MLLT3: variants seen among roughly 807,000 people sequenced by gnomAD.
MLLT3 encodes MLLT3 super elongation complex subunit, also known as protein AF-9.
A neutral mutation model predicts 53.2 loss-of-function variants in MLLT3; 4 were observed. The ratio of observed to expected loss-of-function variants is 0.08; its 90% CI spans 0.04 to 0.17. MLLT3 has a LOEUF of 0.17. MLLT3 is among the 10% of genes least tolerant of loss of function. The pLI, the probability that MLLT3 is intolerant of heterozygous loss-of-function variation, is 1.00. For synonymous variants in MLLT3, 283 were observed against 230.6 expected (o/e 1.23, Z -2.06); for missense variants, 569 against 684.0 (o/e 0.83, Z 1.87).
chr9:20,479,915 T>C (rs1349302483), intron 2 of MLLT3, among the ~76,000 whole-genome samples: 2 of 152,192 alleles, frequency 1.3e-5, no homozygotes, highest in Non-Finnish European at 2.9e-5. Flanking sequence ...AGCTGAGTTA[T>C]GTGAAAGTGT....
intron 2 of MLLT3, among the ~76,000 whole-genome samples, chr9:20,616,669 T>A (rs2131214777): frequency 6.6e-6 from 1 of 152,282 alleles, no homozygotes; most frequent in East Asian, 1.9e-4. Flanking sequence ...TCACAATGAT[T>A]TAGCAACTTG....
intron 4 of MLLT3, chr9:20,415,325 T>A (rs1822843860): frequency 7.4e-6 from 2 of 269,436 alleles, no homozygotes; most frequent in Non-Finnish European, 1.1e-5. Context: ...ACGTAATTGC[T>A]GCCTATTTCA....
intron 2 of MLLT3, among the ~76,000 whole-genome samples, chr9:20,588,299 G>A (rs1820033741): frequency 6.7e-6 from 1 of 149,440 alleles, no homozygotes; most frequent in Non-Finnish European, 1.5e-5. Flanking sequence ...TTGTTCTTTT[G>A]GCTTAGGATT....
chr9:20,517,696 T>C (rs949324658), intron 2 of MLLT3, among the ~76,000 whole-genome samples: 4 of 151,068 alleles, frequency 2.6e-5, no homozygotes, highest in Non-Finnish European at 5.9e-5. Context: ...ATAAGCCGGG[T>C]GTGCTGGTGT....
intron 2 of MLLT3, among the ~76,000 whole-genome samples, chr9:20,606,011 A>T (rs1218717950): frequency 1.3e-5 from 2 of 152,184 alleles, no homozygotes; most frequent in Non-Finnish European, 2.9e-5. Flanking sequence ...TGCTGGGTTA[A>T]TATGTTTCAC....
chr9:20,525,108 A>T (rs1818166476), intron 2 of MLLT3, among the ~76,000 whole-genome samples: 1 of 149,910 alleles, frequency 6.7e-6, no homozygotes. Flanking sequence ...ACAAGAAAGT[A>T]GAATTAAGAA....
At chr9:20,596,909 C>T (rs1269930356) in intron 2 of MLLT3, among the ~76,000 whole-genome samples, 1 of 152,100 alleles carries the variant, frequency 6.6e-6, no homozygotes, top group Non-Finnish European at 1.5e-5. Context: ...TATTAAGTCT[C>T]CCAATCCATG....
chr9:20,580,580 A>G (rs959745233), intron 2 of MLLT3, among the ~76,000 whole-genome samples: 5 of 152,166 alleles, frequency 3.3e-5, no homozygotes, highest in Non-Finnish European at 7.3e-5. Context: ...CACTCTGCCT[A>G]TAATGGTTAG....
chr9:20,561,902 T>C (rs929238177), intron 2 of MLLT3, among the ~76,000 whole-genome samples: 10 of 151,980 alleles, frequency 6.6e-5, no homozygotes, highest in African/African-American at 2.4e-4. Flanking sequence ...TCTGATCCTT[T>C]TGAAGAATGT....
rs1276113098 is a variant in MLLT3 at position 20,493,985 on chromosome 9, T to C, written c.194-37199A>G. Among the ~76,000 whole-genome samples the C allele has an allele frequency of 2.6e-5, 4 of 152,058 alleles. No homozygotes were observed. In the East Asian group the frequency reaches 7.7e-4, roughly 29 times the overall value. On this transcript the variant is annotated intron_variant, in intron 2 of 10. Coordinates refer to ENST00000380338, the MANE Select transcript of MLLT3 (RefSeq NM_004529.4). ...TTTTCTGGAACGCACATTTCCAACA[T>C]ACTCAACCATCTGAAATGCAGATGA... is the stretch of plus-strand genomic sequence containing the variant.
chr9:20,540,101 G>C (rs1429506725), intron 2 of MLLT3, among the ~76,000 whole-genome samples: 2 of 152,216 alleles, frequency 1.3e-5, no homozygotes, highest in African/African-American at 4.8e-5. Context: ...CACATCTAGG[G>C]CATGCTGATG....
intron 2 of MLLT3, among the ~76,000 whole-genome samples, chr9:20,534,824 T>G (rs1305981943): frequency 6.6e-6 from 1 of 151,962 alleles, no homozygotes; most frequent in African/African-American, 2.4e-5. Flanking sequence ...AGGCAGAGCT[T>G]GCAGTGAGCT....
At chr9:20,429,552 A>G (rs1035112044) in intron 4 of MLLT3, among the ~76,000 whole-genome samples, 6 of 94,672 alleles carry the variant, frequency 6.3e-5, no homozygotes, top group Admixed American at 1.1e-4. Context: ...TGTAGGGGGG[A>G]AAAAAAGGAA....
intron 2 of MLLT3, among the ~76,000 whole-genome samples, chr9:20,502,109 T>A (rs1243070660): frequency 1.5e-4 from 20 of 135,198 alleles, no homozygotes; most frequent in South Asian, 5.2e-4. Flanking sequence ...GGGGGGGGAC[T>A]ACCTTTTAAG....
intron 2 of MLLT3, among the ~76,000 whole-genome samples, chr9:20,564,887 C>A (rs6475462): frequency 0.68 from 102,948 of 151,998 alleles, 35,106 homozygotes; most frequent in East Asian, 0.85. Flanking sequence ...CATTCTTCCA[C>A]AAGGCAAATG....
At chr9:20,502,886 G>A (rs1587001809) in intron 2 of MLLT3, among the ~76,000 whole-genome samples, 1 of 152,124 alleles carries the variant, frequency 6.6e-6, no homozygotes, top group Admixed American at 6.5e-5. Context: ...TCAAACATCA[G>A]TAGCATCTGT....
At chr9:20,379,780 G>A (rs1308737613) in intron 5 of MLLT3, among the ~76,000 whole-genome samples, 1 of 151,954 alleles carries the variant, frequency 6.6e-6, no homozygotes, top group Non-Finnish European at 1.5e-5. Flanking sequence ...AGTAGATCTT[G>A]ATGGATCTAA....
chr9:20,454,885 A>G (rs1462825304), intron 3 of MLLT3, among the ~76,000 whole-genome samples: 1 of 152,226 alleles, frequency 6.6e-6, no homozygotes, highest in Non-Finnish European at 1.5e-5. Flanking sequence ...CTCCAAAAAA[A>G]ATACAAATGA....
intron 2 of MLLT3, among the ~76,000 whole-genome samples, chr9:20,558,240 T>A (rs1443092245): frequency 6.6e-6 from 1 of 152,220 alleles, no homozygotes; most frequent in African/African-American, 2.4e-5. Context: ...TTTTAACAAA[T>A]GATTTGCCCT....
Sources: gnomAD v4.1 joint callset for allele counts (sites outside exome capture counted in the v4.1 genomes callset) on GRCh38, gnomAD v4.1.1 for gene constraint, MANE v1.5 for transcripts, NCBI Gene and HGNC (gene_info 2026-07-23, HGNC 2026-07-21) for gene names.